Variants in PCDHGA1 observed in about 807,000 individuals in gnomAD.
PCDHGA1 encodes protocadherin gamma subfamily A, 1, also known as protocadherin gamma-A1.
PCDHGA1 carries 32 observed loss-of-function variants against 58.0 expected under a neutral mutation model. The ratio of observed to expected loss-of-function variants is 0.55; its 90% CI spans 0.42 to 0.74. The LOEUF is 0.74. Among genes scored for constraint, PCDHGA1 ranks in the 30% least tolerant of loss-of-function variants. PCDHGA1 has a pLI of 0.00. For synonymous variants in PCDHGA1, 498 were observed against 501.1 expected (o/e 0.99, Z 0.08); for missense variants, 1,205 against 1,182.3 (o/e 1.02, Z -0.28).
Position 141,463,645 on chromosome 5 carries a change from G to T in PCDHGA1, c.2422-31162G>T, listed in dbSNP as rs372962993. ...TTGTATTTTGTTTAGTAGAGACGGG[G>T]TTTCACCGTGTTAGCCAGGATGGTC... On this transcript the variant is annotated intron_variant, in intron 1 of 3. Transcript: ENST00000517417. 7.9e-5 allele frequency among the ~76,000 whole-genome samples: 12 copies of T among 151,840 alleles called. No individual in the cohort carries two copies. In the East Asian group the frequency reaches 2.1e-3, roughly 27 times the overall value.
intron 1 of PCDHGA1, chr5:141,421,565 A>T (rs1373619696): frequency 1.2e-6 from 2 of 1,613,834 alleles, no homozygotes; most frequent in Admixed American, 3.3e-5. Context: ...CTCGTGGAAG[A>T]CACCTTGAAG....
At chr5:141,470,038 A>C (rs1256439782) in intron 1 of PCDHGA1, among the ~76,000 whole-genome samples, 1 of 152,204 alleles carries the variant, frequency 6.6e-6, no homozygotes, top group Non-Finnish European at 1.5e-5. Flanking sequence ...CTGAGGCGCG[A>C]GAACTGTTTG....
intron 1 of PCDHGA1, chr5:141,344,754 A>T: frequency 6.2e-7 from 1 of 1,613,914 alleles, no homozygotes; most frequent in East Asian, 2.2e-5. Flanking sequence ...CAACCCACCA[A>T]TGTTTACTCA....
chr5:141,345,251 G>A (rs1238716873), intron 1 of PCDHGA1: 4 of 1,613,748 alleles, frequency 2.5e-6, no homozygotes, highest in African/African-American at 2.7e-5. Context: ...GCTTAGTGAC[G>A]GCCACATCCC....
rs775887560 is a variant in PCDHGA1 at position 141,333,065 on chromosome 5, C to T, written c.2381C>T (p.Pro794Leu). The change falls in exon 1 of 4, where the codon CCC becomes CTC. Residue 794 changes from proline to leucine, a missense_variant. Transcript: ENST00000517417. The part of the protein sequence containing the change: ...SCEKKGFLSA[P>L]QSLLEDKKEP... ...GAGAAAAAGGGTTTTCTATCAGCAC[C>T]CCAGTCTTTACTTGAAGACAAAAAG... 43 of 1,614,056 alleles carry T rather than the reference C, an allele frequency of 2.7e-5. No homozygotes were observed. Among genetic ancestry groups the T allele is most frequent in the African/African-American group, 2.5e-4 (19 of 74,904 alleles).
intron 1 of PCDHGA1, among the ~76,000 whole-genome samples, chr5:141,488,563 C>T (rs1352750895): frequency 1.3e-5 from 2 of 152,134 alleles, no homozygotes; most frequent in Admixed American, 6.6e-5. Flanking sequence ...TTGAGATTTC[C>T]GCAAAGCATT....
chr5:141,339,098 T>C, intron 1 of PCDHGA1: 1 of 1,614,226 alleles, frequency 6.2e-7, no homozygotes, highest in Non-Finnish European at 8.5e-7. Flanking sequence ...CGACAGAGGC[T>C]CCTTCGTAGG....
In PCDHGA1 at chr5:141,489,432, G is replaced by A. The variant is rs2099687138; in HGVS notation, c.2422-5375G>A. ...TGACAGATCTGTTGAGCCGGCGGCTGCAATTGGGCTCTGAGGAGAATGGGC... is the reference window on the plus strand; with the variant it reads ...TGACAGATCTGTTGAGCCGGCGGCTACAATTGGGCTCTGAGGAGAATGGGC... On this transcript the variant is annotated intron_variant, in intron 1 of 3. Transcript: ENST00000517417. The surrounding 1 kb of genome is among the most constrained non-coding windows in gnomAD (Gnocchi z 4.5). 3.1e-6 allele frequency: 5 copies of A among 1,614,166 alleles called. No individual in the cohort carries two copies. Among genetic ancestry groups the A allele is most frequent in the Non-Finnish European group, 4.2e-6 (5 of 1,180,036 alleles).
chr5:141,476,483 G>A lies in PCDHGA1; in HGVS notation c.2422-18324G>A. On this transcript the variant is annotated intron_variant, in intron 1 of 3. Coordinates refer to ENST00000517417, the MANE Select transcript of PCDHGA1 (RefSeq NM_018912.3). The surrounding 1 kb of genome is among the most constrained non-coding windows in gnomAD (Gnocchi z 7.6). The stretch of plus-strand genomic sequence containing the variant: ...CCCGCTGGAGCTGTTCAGCGTGGAA[G>A]TGGTGATCCAGGACATCAACGACAA... The A allele has an allele frequency of 3.1e-6, 5 of 1,614,166 alleles. No individual in the cohort carries two copies. Among genetic ancestry groups the A allele is most frequent in the Non-Finnish European group, 4.2e-6 (5 of 1,180,034 alleles).
At chr5:141,421,238 G>A (rs920128735) in intron 1 of PCDHGA1, 1 of 1,597,540 alleles carries the variant, frequency 6.3e-7, no homozygotes, top group African/African-American at 1.3e-5. Context: ...ATGGCGAATC[G>A]GCTACAGCGC....
chr5:141,409,808 G>A lies in PCDHGA1; in HGVS notation c.2421+76703G>A, dbSNP rs1445467116. On this transcript the variant is annotated intron_variant, in intron 1 of 3. Coordinates refer to ENST00000517417, the MANE Select transcript of PCDHGA1 (RefSeq NM_018912.3). ...CTTCGCGCTCACGCTGCAGGCCCGC[G>A]ACCACGGCTCGCCCACGCTCAGCGC... 4.3e-6 allele frequency: 7 copies of A among 1,611,624 alleles called. No individual in the cohort carries two copies. In the East Asian group the frequency reaches 1.3e-4, roughly 31 times the overall value.
At chr5:141,370,800 A>G (rs1767214052) in intron 1 of PCDHGA1, 1 of 1,614,026 alleles carries the variant, frequency 6.2e-7, no homozygotes, top group African/African-American at 1.3e-5. Context: ...CTTTAGCCAA[A>G]ATATCACTGA....
chr5:141,419,361 T>C, intron 1 of PCDHGA1: 1 of 1,613,794 alleles, frequency 6.2e-7, no homozygotes, highest in Non-Finnish European at 8.5e-7. Context: ...TCACGAACGC[T>C]GTCGTCCTAC....
chr5:141,432,584 C>T lies in PCDHGA1; in HGVS notation c.2422-62223C>T, dbSNP rs762935149. The T allele has an allele frequency of 2.3e-5, 37 of 1,613,854 alleles. No individual in the cohort carries two copies. The highest frequency in any genetic ancestry group is 3.3e-4 in the Middle Eastern group (2 of 6,018). On this transcript the variant is annotated intron_variant, in intron 1 of 3. Coordinates refer to ENST00000517417, the MANE Select transcript of PCDHGA1 (RefSeq NM_018912.3). The surrounding 1 kb of genome is among the most constrained non-coding windows in gnomAD (Gnocchi z 6.0). ...GAACGCCTGGCTGTCCTACCGTCTG[C>T]TCAAGGCCAGCGAGCCGGGACTCTT...
chr5:141,354,174 T>C (rs182013448), intron 1 of PCDHGA1, among the ~76,000 whole-genome samples: 1 of 152,368 alleles, frequency 6.6e-6, no homozygotes. Flanking sequence ...ACTAAACTAT[T>C]ATCTGCACTT....
chr5:141,403,377 T>A, intron 1 of PCDHGA1: 1 of 1,614,016 alleles, frequency 6.2e-7, no homozygotes. Flanking sequence ...GAAGTAAAAA[T>A]TAACGAAATC....
chr5:141,360,842 A>T, intron 1 of PCDHGA1: 1 of 1,614,028 alleles, frequency 6.2e-7, no homozygotes, highest in South Asian at 1.1e-5. Context: ...ACGGATGCCA[A>T]CGATAACCCT....
At position 141,431,782 on chromosome 5, in the gene PCDHGA1, C is replaced by A. The variant is rs767269112; in HGVS notation, c.2422-63025C>A. The A allele has an allele frequency of 6.2e-7, 1 of 1,614,082 alleles. No homozygotes were observed. On this transcript the variant is annotated intron_variant, in intron 1 of 3. Transcript: ENST00000517417. This position sits in a 1 kb window ranked among gnomAD's most constrained non-coding sequence, Gnocchi z 4.8. Reference sequence around the variant, plus strand: ...TCCTGATCACTGTTCTGGACGTGAACGACAATGCCCCAGAAGTGGTCCTCA... The same window carrying A: ...TCCTGATCACTGTTCTGGACGTGAAAGACAATGCCCCAGAAGTGGTCCTCA...
At chr5:141,433,096 C>A in intron 1 of PCDHGA1, 3 of 1,614,118 alleles carry the variant, frequency 1.9e-6, no homozygotes, top group Non-Finnish European at 2.5e-6. Context: ...CAGACATGCT[C>A]GTCAGCCAGG....
Sources: allele counts gnomAD v4.1 joint callset (sites outside exome capture counted in the v4.1 genomes callset), GRCh38; gene constraint gnomAD v4.1.1; non-coding constraint Gnocchi (gnomAD v3.1); transcripts MANE v1.5; gene names NCBI Gene and HGNC (gene_info 2026-07-23, HGNC 2026-07-21).